PRKD2: variants seen among roughly 807,000 people sequenced by gnomAD.
PRKD2 encodes serine/threonine-protein kinase D2.
PRKD2 carries 22 observed loss-of-function variants against 86.0 expected under a neutral mutation model. That is an observed-to-expected ratio of 0.26 (90% CI 0.18 to 0.37). The LOEUF is 0.37. Among genes scored for constraint, PRKD2 ranks in the 10% least tolerant of loss-of-function variants. PRKD2 has a pLI of 1.00. For synonymous variants in PRKD2, 509 were observed against 510.9 expected, an observed-to-expected ratio of 1.00 and a Z score of 0.05; for missense variants, 818 against 1,199.2, an observed-to-expected ratio of 0.68 and a Z score of 4.70.
rs1345174993 is a variant in PRKD2 at position 46,716,282 on chromosome 19, G to A, written c.89C>T (p.Ser30Leu). Residue 30 changes from serine (S) to leucine (L), a missense_variant, in exon 1 of 18, where the codon TCG (serine) becomes TTG (leucine). Physicochemically the swap from Ser to Leu is moderately radical, Grantham distance 145 (BLOSUM62 -2). Coordinates refer to ENST00000291281, the MANE Select transcript of PRKD2 (RefSeq NM_016457.5). This position sits in a 1 kb window ranked among gnomAD's most constrained non-coding sequence, Gnocchi z 7.9. Reference sequence around the variant, plus strand: ...GATCTGGGGCAGTAGCGGTGGCGGCGACTGCAGCTCTAGGCCGCCGGGGGG... The same window carrying A: ...GATCTGGGGCAGTAGCGGTGGCGGCAACTGCAGCTCTAGGCCGCCGGGGGG... ...PPPPGGLELQ[S>L]PPPLLPQIPA... 6 of 1,581,814 alleles carry A rather than the reference G, an allele frequency of 3.8e-6. No homozygotes were observed. The highest frequency in any genetic ancestry group is 1.8e-5 in the Admixed American group (1 of 56,784).
Position 46,691,957 on chromosome 19 carries a change from G to T in PRKD2, c.1605C>A (p.Ser535=). 1 of 1,614,050 alleles carries T rather than the reference G, an allele frequency of 6.2e-7. No homozygotes were observed. The highest frequency in any genetic ancestry group is 1.7e-5 in the Admixed American group (1 of 60,008). The change falls in exon 11 of 18, where the codon TCC becomes TCA. Residue 535 remains serine (S), a synonymous_variant. Transcript: ENST00000291281. The stretch of plus-strand genomic sequence containing the variant: ...CCACATTCTCTTGGATCTGACTGTT[G>T]GACACAGAGATGCTCAGAGAAGCTT... ...HRQASLSISV[S]NSQIQENVDI... is the part of the protein sequence containing the mutation.
intron 16 of PRKD2, 143 bp from the exon 17 acceptor site, chr19:46,675,261 T>C (rs1389506871): frequency 1.5e-6 from 1 of 663,998 alleles, no homozygotes; most frequent in African/African-American, 1.8e-5. Flanking sequence ...CCTGTGCCAA[T>C]CACTCACCCA....
Position 46,716,556 on chromosome 19 carries a change from C to G in PRKD2, c.-186G>C. On this transcript the variant is annotated 5_prime_UTR_variant, in exon 1 of 18. Transcript: ENST00000291281. This position sits in a 1 kb window ranked among gnomAD's most constrained non-coding sequence, Gnocchi z 7.9. ...GGGTCCTGGGAAGGAGAGAAAGGCACTATAGTGGGTCAGAGGCCCGGAATC... is the reference window on the plus strand; with the variant it reads ...GGGTCCTGGGAAGGAGAGAAAGGCAGTATAGTGGGTCAGAGGCCCGGAATC... The G allele has an allele frequency of 6.5e-6, 3 of 459,544 alleles. No homozygotes were observed. In the East Asian group the frequency reaches 1.1e-4, roughly 16 times the overall value. The allele number at this position is 459,544 out of a possible 1,614,324, so 28.5% of individuals were successfully genotyped here.
chr19:46,687,288 A>G (rs2053414120), intron 14 of PRKD2, among the ~76,000 whole-genome samples: 1 of 152,168 alleles, frequency 6.6e-6, no homozygotes, highest in African/African-American at 2.4e-5. Context: ...GCTACTCAGG[A>G]GGCTGAGGCA....
chr19:46,677,693 C>T (rs1256205014), intron 16 of PRKD2, among the ~76,000 whole-genome samples: 1 of 152,158 alleles, frequency 6.6e-6, no homozygotes, highest in African/African-American at 2.4e-5. Context: ...CAGGCCCAGC[C>T]ACAACACCAA....
At chr19:46,713,758 A>C in intron 2 of PRKD2, 105 bp downstream of exon 2, 6 of 1,107,978 alleles carry the variant, frequency 5.4e-6, no homozygotes, top group South Asian at 1.6e-5. Context: ...GGCGTGAGCC[A>C]CTACACCCGG....
At chr19:46,706,658 G>A (rs759799687) in intron 3 of PRKD2, among the ~76,000 whole-genome samples, 4 of 152,204 alleles carry the variant, frequency 2.6e-5, no homozygotes, top group African/African-American at 7.2e-5. Flanking sequence ...TGCTGCACCA[G>A]TGAAGTCTGT....
intron 14 of PRKD2, among the ~76,000 whole-genome samples, chr19:46,682,701 A>ATTTTT (rs71177241): frequency 3.9e-5 from 4 of 102,872 alleles, no homozygotes; most frequent in Non-Finnish European, 5.9e-5. Context: ...ATGTGATTCT[A>ATTTTT]TTTTTTTTTT....
chr19:46,689,624 C>T lies in PRKD2; in HGVS notation c.1884G>A (p.Glu628=), dbSNP rs745888570. The T allele has an allele frequency of 2.5e-6, 4 of 1,614,108 alleles. No homozygotes were observed. In the African/African-American group the frequency reaches 4.0e-5, roughly 16 times the overall value. Residue 628 remains glutamate (E), a synonymous_variant, in exon 14 of 18, where the codon GAG becomes GAA. Transcript: ENST00000291281. ...ETPEKVFVVM[E]KLHGDMLEMI... ...TCTCCAACATGTCCCCATGCAGCTT[C>T]TCCATCACCACAAACACTTTCTCAG...
intron 14 of PRKD2, among the ~76,000 whole-genome samples, chr19:46,684,842 G>A (rs1188939973): frequency 6.6e-6 from 1 of 151,814 alleles, no homozygotes; most frequent in African/African-American, 2.4e-5. Flanking sequence ...GTGTGCCTGT[G>A]TTCCCAGCTA....
chr19:46,716,367 C>T lies in PRKD2; in HGVS notation c.4G>A (p.Ala2Thr), dbSNP rs1459489245. Residue 2 changes from alanine (A) to threonine (T), a missense_variant, in exon 1 of 18, where the codon GCC (alanine) becomes ACC (threonine). Ala to Thr is a moderately conservative substitution (Grantham distance 58). This residue lies in a region of PRKD2 where 403 missense variants were observed against 518.6 expected (regional missense o/e 0.78). Transcript: ENST00000291281. This position sits in a 1 kb window ranked among gnomAD's most constrained non-coding sequence, Gnocchi z 7.9. M[A>T]TAPSYPAGLP... ...CCGGCGGGATAAGAGGGGGCGGTGG[C>T]CATGGGGGGAGGCCGGGGACCGGCC... 2 of 1,419,872 alleles carry T rather than the reference C, an allele frequency of 1.4e-6. No individual in the cohort carries two copies. Among genetic ancestry groups the T allele is most frequent in the Non-Finnish European group, 1.8e-6 (2 of 1,086,954 alleles). 88.0% of individuals were successfully genotyped at this position (1,419,872 alleles called of 1,614,324 possible).
intron 14 of PRKD2, 89 bp downstream of exon 14, chr19:46,689,448 G>A (rs1300952642): frequency 2.4e-5 from 34 of 1,420,142 alleles, no homozygotes; most frequent in Admixed American, 4.3e-5. Flanking sequence ...ACTCCCCCAA[G>A]TGTCTGCTTG....
chr19:46,714,393 ATTG>A (rs1465472042), intron 1 of PRKD2: 8 of 836,192 alleles, frequency 9.6e-6, no homozygotes, highest in Non-Finnish European at 1.1e-5. Flanking sequence ...GGATCTGTCT[ATTG>A]TTGTCCCAGT....
chr19:46,695,766 C>T (rs2053548588), intron 9 of PRKD2, among the ~76,000 whole-genome samples: 1 of 152,158 alleles, frequency 6.6e-6, no homozygotes, highest in African/African-American at 2.4e-5. Context: ...GAATGAATGA[C>T]TTAGGCAGCC....
At position 46,714,879 on chromosome 19, in the gene PRKD2, C is replaced by T. The variant is rs576513721; in HGVS notation, c.241-878G>A. On this transcript the variant is annotated intron_variant, in intron 1 of 17. Transcript: ENST00000291281. Reference sequence around the variant, plus strand: ...GTGGGCAAAACCCTATCAGTTCTCACTGCTAAGAGAGAGTCCACAGAAGAC... The same window carrying T: ...GTGGGCAAAACCCTATCAGTTCTCATTGCTAAGAGAGAGTCCACAGAAGAC... 2.0e-5 allele frequency among the ~76,000 whole-genome samples: 3 copies of T among 152,338 alleles called. No homozygotes were observed. The East Asian group carries it at 5.8e-4, about 29-fold the overall frequency.
rs199809745 is a variant in PRKD2 at position 46,691,699 on chromosome 19, G to A, written c.1702+36C>T. 2.0e-4 allele frequency: 321 copies of A among 1,605,510 alleles called. 3 individuals are homozygous for A. The highest frequency in any genetic ancestry group is 8.3e-5 in the Admixed American group (5 of 59,960). ...GAGCCACAGCAGCTTCCCCCAGCCC[G>A]GGGCTCCCTCTGGGTTAGCTCTGAA... is the stretch of plus-strand genomic sequence containing the variant. On this transcript the variant is annotated intron_variant, in intron 12 of 17. Coordinates refer to ENST00000291281, the MANE Select transcript of PRKD2 (RefSeq NM_016457.5).
chr19:46,679,316 C>T (rs1439011532), intron 15 of PRKD2, among the ~76,000 whole-genome samples: 4 of 152,050 alleles, frequency 2.6e-5, no homozygotes, highest in Admixed American at 1.3e-4. Context: ...GGTGACACAG[C>T]GAGACTCCGT....
intron 8 of PRKD2, 98 bp downstream of exon 8, chr19:46,697,635 T>C (rs2053579872): frequency 1.7e-6 from 2 of 1,151,676 alleles, no homozygotes; most frequent in South Asian, 1.4e-5. Context: ...CGCTCGCGCC[T>C]AGCTCCAGCC....
chr19:46,697,984 C>T, intron 7 of PRKD2, 134 bp from the exon 8 acceptor site: 1 of 707,196 alleles, frequency 1.4e-6, no homozygotes, highest in Non-Finnish European at 2.5e-6. Context: ...TGACATTTTC[C>T]CCCCAACACA....
Sources: allele counts gnomAD v4.1 joint callset (sites outside exome capture counted in the v4.1 genomes callset), GRCh38; gene constraint gnomAD v4.1.1; regional missense constraint gnomAD v4.1.1; non-coding constraint Gnocchi (gnomAD v3.1); transcripts MANE v1.5; gene names NCBI Gene and HGNC (gene_info 2026-07-23, HGNC 2026-07-21).